Variants in CLCN5 observed in about 807,000 individuals in gnomAD.
CLCN5 encodes the protein Cl-/H+ antiporter 5.
In CLCN5, 17 loss-of-function variants were observed where a neutral mutation model predicts 54.0. That is an observed-to-expected ratio of 0.31 (90% CI 0.22 to 0.47). CLCN5 has a LOEUF of 0.47. Ranked by LOEUF, CLCN5 falls within the 20% of genes least tolerant of loss-of-function variation. CLCN5 has a pLI of 1.00. For missense variants in CLCN5, 448 were observed against 646.7 expected (o/e 0.69, Z 3.33); for synonymous variants, 222 against 233.0 (o/e 0.95, Z 0.43).
chrX:50,091,969 GCC>G (rs1934116589), intron 14 of CLCN5, among the ~76,000 whole-genome samples, 158 bp from the exon 15 acceptor site: 3 of 112,229 alleles, frequency 2.7e-5, no homozygotes, highest in African/African-American at 9.7e-5. Flanking sequence ...CATCCTATTT[GCC>G]TGGGGCACAT....
At chrX:50,028,278 T>C (rs1271405408) in intron 3 of CLCN5, among the ~76,000 whole-genome samples, 2 of 112,027 alleles carry the variant, frequency 1.8e-5, no homozygotes, top group African/African-American at 6.5e-5. Context: ...AAAAACCAAA[T>C]GCTCTGGTTA....
At position 49,935,635 on chromosome X, in the gene CLCN5, C is replaced by G. The variant is rs1287647417; in HGVS notation, c.16+10321C>G. ...AGAAGAAGGGAATGGGAGGAAGTGA[C>G]AAGTTCATCTGAGACCTGAAAGATG... On this transcript the variant is annotated intron_variant, in intron 3 of 14. Transcript: ENST00000376091. 4.5e-5 allele frequency among the ~76,000 whole-genome samples: 5 copies of G among 111,549 alleles called. No homozygotes were observed. The East Asian group carries it at 1.1e-3, about 25-fold the overall frequency.
At chrX:49,998,625 C>T (rs1929643522) in intron 3 of CLCN5, among the ~76,000 whole-genome samples, 1 of 111,013 alleles carries the variant, frequency 9.0e-6, no homozygotes, top group African/African-American at 3.3e-5. Context: ...GCAAATGAAC[C>T]TTAATGTGCC....
intron 3 of CLCN5, among the ~76,000 whole-genome samples, chrX:49,992,442 A>C (rs1446409127): frequency 9.0e-6 from 1 of 110,844 alleles, no homozygotes; most frequent in Non-Finnish European, 1.9e-5. Context: ...CTGACATTTT[A>C]ATCATTACCC....
rs147347236 is a variant in CLCN5 at position 50,014,226 on chromosome X, T to G, written c.17-28090T>G. Among the ~76,000 whole-genome samples the G allele has an allele frequency of 2.9e-4, 32 of 111,207 alleles. No individual in the cohort carries two copies. In the East Asian group the frequency reaches 6.6e-3, roughly 23 times the overall value. On this transcript the variant is annotated intron_variant, in intron 3 of 14. Coordinates refer to ENST00000376091, the MANE Select transcript of CLCN5 (RefSeq NM_001127898.4). ...TATTCCAGGACTCTCAGAGGGGCCTTTTTCTGCCCATAGACAGACAAAGTG... is the reference window on the plus strand; with the variant it reads ...TATTCCAGGACTCTCAGAGGGGCCTGTTTCTGCCCATAGACAGACAAAGTG...
chrX:49,947,140 G>A (rs1557172260), intron 3 of CLCN5, among the ~76,000 whole-genome samples: 1 of 111,616 alleles, frequency 9.0e-6, no homozygotes, highest in African/African-American at 3.3e-5. Context: ...TTAACTTACT[G>A]TTATCCATCA....
At chrX:49,983,715 A>G (rs1191795822) in intron 3 of CLCN5, among the ~76,000 whole-genome samples, 1 of 108,509 alleles carries the variant, frequency 9.2e-6, no homozygotes, top group Non-Finnish European at 1.9e-5. Context: ...TATATTAAAA[A>G]TATAAAACTT....
intron 3 of CLCN5, chrX:50,009,056 G>A (rs1930353076): frequency 2.9e-6 from 1 of 344,129 alleles, no homozygotes; most frequent in Non-Finnish European, 5.9e-6. Context: ...ACATGTAGAA[G>A]GACCAACAAC....
At chrX:50,031,560 T>C (rs1931699774) in intron 3 of CLCN5, among the ~76,000 whole-genome samples, 1 of 111,636 alleles carries the variant, frequency 9.0e-6, no homozygotes, top group Non-Finnish European at 1.9e-5. Context: ...CAGTGGAATT[T>C]TCTGCAGACT....
intron 3 of CLCN5, among the ~76,000 whole-genome samples, chrX:50,026,515 C>G (rs1199806999): frequency 6.3e-5 from 7 of 111,644 alleles, no homozygotes; most frequent in African/African-American, 1.3e-4. Flanking sequence ...CTCCTTGTAT[C>G]TCTATCAGTT....
intron 3 of CLCN5, among the ~76,000 whole-genome samples, chrX:49,966,363 ATTTTCTTACATGT>A (rs782589900): frequency 0.075 from 8,193 of 109,238 alleles, 762 homozygotes; most frequent in African/African-American, 0.26. Flanking sequence ...TCTTCATGGT[ATTTTCTTACATGT>A]TTAAAATTTG....
chrX:50,059,043 G>A (rs998750294), intron 4 of CLCN5, among the ~76,000 whole-genome samples: 2 of 111,149 alleles, frequency 1.8e-5, no homozygotes, highest in Non-Finnish European at 3.8e-5. Flanking sequence ...TGCCATTCTT[G>A]ACAGTTAATT....
chrX:50,033,585 C>T (rs924929542), intron 3 of CLCN5, among the ~76,000 whole-genome samples: 78 of 110,931 alleles, frequency 7.0e-4, no homozygotes, highest in Non-Finnish European at 1.3e-3. Flanking sequence ...TGAAAATGGC[C>T]ATACTGCCCA....
chrX:49,939,262 A>G (rs1415863579), intron 3 of CLCN5, among the ~76,000 whole-genome samples: 45 of 110,694 alleles, frequency 4.1e-4, no homozygotes, highest in African/African-American at 1.3e-3. Context: ...TAGAAATACC[A>G]TTTGACCCAG....
chrX:49,960,167 A>G (rs1464588910), intron 3 of CLCN5, among the ~76,000 whole-genome samples: 16 of 110,499 alleles, frequency 1.4e-4, no homozygotes, highest in Non-Finnish European at 2.8e-4. Context: ...CAACCATTTG[A>G]TATTAATTCC....
intron 3 of CLCN5, among the ~76,000 whole-genome samples, chrX:49,978,417 T>A (rs1349345035): frequency 8.9e-6 from 1 of 112,347 alleles, no homozygotes; most frequent in Non-Finnish European, 1.9e-5. Context: ...TATGAGAGGA[T>A]GCATGTAAAG....
chrX:50,032,570 T>C (rs1376231640), intron 3 of CLCN5, among the ~76,000 whole-genome samples: 3 of 107,704 alleles, frequency 2.8e-5, no homozygotes, highest in Non-Finnish European at 5.7e-5. Flanking sequence ...TGGGGTTGTT[T>C]GTTTTTTTCT....
chrX:50,000,387 C>T (rs1557180179), intron 3 of CLCN5, among the ~76,000 whole-genome samples: 3 of 110,042 alleles, frequency 2.7e-5, no homozygotes, highest in Admixed American at 1.9e-4. Context: ...GCCACAGTGG[C>T]GTGTGAACCA....
chrX:49,941,841 T>C (rs1362088185), intron 3 of CLCN5, among the ~76,000 whole-genome samples: 2 of 109,255 alleles, frequency 1.8e-5, no homozygotes, highest in Non-Finnish European at 3.8e-5. Flanking sequence ...CTCCAGTCTC[T>C]ACCACCTGCC....
Sources: gnomAD v4.1 joint callset for allele counts (sites outside exome capture counted in the v4.1 genomes callset) on GRCh38, gnomAD v4.1.1 for gene constraint, MANE v1.5 for transcripts, NCBI Gene and HGNC (gene_info 2026-07-23, HGNC 2026-07-21) for gene names.